Variants in KCNJ9 observed in about 807,000 individuals in gnomAD.
The protein encoded by KCNJ9 is potassium inwardly rectifying channel subfamily J member 9, also known as G protein-activated inward rectifier potassium channel 3.
Under a neutral mutation model 27.9 loss-of-function variants are expected in KCNJ9, and 18 were observed. The ratio of observed to expected loss-of-function variants is 0.65; its 90% CI spans 0.45 to 0.96. KCNJ9 has a LOEUF of 0.96. KCNJ9 is among the 40% of genes least tolerant of loss of function. The pLI is 0.00. For synonymous variants in KCNJ9, 229 were observed against 248.2 expected, an observed-to-expected ratio of 0.92 and a Z score of 0.73; for missense variants, 324 against 557.5, an observed-to-expected ratio of 0.58 and a Z score of 4.22.
At chr1:160,084,927 G>A in intron 2 of KCNJ9, 47 bp downstream of exon 2, 7 of 1,478,298 alleles carry the variant, frequency 4.7e-6, no homozygotes, top group Admixed American at 2.1e-5. Flanking sequence ...GAGGGTGGGC[G>A]GGACCGAGGA....
rs1026160367 is a variant in KCNJ9 at position 160,084,822 on chromosome 1, C to T, written c.792C>T (p.Ala264=). ...ASPFWEASRR[A]LERDDFEIVV... Reference sequence around the variant, plus strand: ...CCTTCTGGGAGGCGTCGCGCCGTGCCCTCGAGAGGGACGACTTCGAGATCG... The same window carrying T: ...CCTTCTGGGAGGCGTCGCGCCGTGCTCTCGAGAGGGACGACTTCGAGATCG... Residue 264 remains alanine, a synonymous_variant, in exon 2 of 3, where the codon GCC becomes GCT. Transcript: ENST00000368088. The T allele has an allele frequency of 1.9e-6, 3 of 1,548,302 alleles. No homozygotes were observed. The highest frequency in any genetic ancestry group is 1.4e-5 in the African/African-American group (1 of 73,046).
At chr1:160,085,604 C>T (rs1335811707) in intron 2 of KCNJ9, among the ~76,000 whole-genome samples, 1 of 152,198 alleles carries the variant, frequency 6.6e-6, no homozygotes, top group African/African-American at 2.4e-5. Context: ...TTTTCTAGCT[C>T]TTTTCCAAAA....
At chr1:160,083,128 G>T (rs1308877875) in intron 1 of KCNJ9, among the ~76,000 whole-genome samples, 1 of 152,168 alleles carries the variant, frequency 6.6e-6, no homozygotes, top group African/African-American at 2.4e-5. Context: ...CCTTTCCCAG[G>T]CTTCTGTGTT....
Position 160,090,545 on chromosome 1 carries a change from T to C in KCNJ9, c.*2728T>C, listed in dbSNP as rs946550734. 4 of 152,244 alleles carry C rather than the reference T, an allele frequency of 2.6e-5. No homozygotes were observed. The highest frequency in any genetic ancestry group is 7.2e-5 in the African/African-American group (3 of 41,438). 9.4% of individuals were successfully genotyped at this position (152,244 alleles called of 1,614,324 possible). The stretch of plus-strand genomic sequence containing the variant: ...CAGCAAACTCGTAATGCTCAATAAA[T>C]GTTTAAATAACAACTGAAGGAGGCC... On this transcript the variant is annotated 3_prime_UTR_variant, in exon 3 of 3. Transcript: ENST00000368088.
At position 160,087,722 on chromosome 1, in the gene KCNJ9, G is replaced by T; in HGVS notation, c.1087G>T (p.Glu363Ter). Reference protein sequence around the residue: ...IPSRLDEKVEEEGAGEGAGGE... With the variant: ...IPSRLDEKVE The stretch of plus-strand genomic sequence containing the variant: ...CAGCCGGCTGGATGAGAAGGTGGAG[G>T]AGGAGGGGGCGGGGGAGGGGGCGGG... Residue 363 changes from glutamate (E) to a stop codon, truncating the protein, a stop_gained, in exon 3 of 3, where the codon GAG (glutamate) becomes TAG (stop). Coordinates refer to ENST00000368088, the MANE Select transcript of KCNJ9 (RefSeq NM_004983.3). LOFTEE classifies it high-confidence loss of function. The T allele has an allele frequency of 8.7e-7, 1 of 1,143,478 alleles. No individual in the cohort carries two copies. 70.8% of individuals were successfully genotyped at this position (1,143,478 alleles called of 1,614,324 possible). A position where few individuals can be genotyped will look rare whatever the true frequency, so the allele number is the denominator to read the frequency against.
chr1:160,087,938 A>G lies in KCNJ9; in HGVS notation c.*121A>G, dbSNP rs574809018. 2.1e-4 allele frequency: 212 copies of G among 998,266 alleles called. 1 individual carries two copies. The African/African-American group carries it at 2.9e-3, about 14-fold the overall frequency. The allele number at this position is 998,266 out of a possible 1,614,324, so 61.8% of individuals were successfully genotyped here. A position where few individuals can be genotyped will look rare whatever the true frequency, so the allele number is the denominator to read the frequency against. On this transcript the variant is annotated 3_prime_UTR_variant, in exon 3 of 3. Coordinates refer to ENST00000368088, the MANE Select transcript of KCNJ9 (RefSeq NM_004983.3). ...AAGGCAAAGCCCCTGGAAATGTGCT[A>G]AAGTTGGAAAGTCCCCGTCCCCCAG...
In KCNJ9 at chr1:160,084,549, C is replaced by T; in HGVS notation, c.519C>T (p.Phe173=). The part of the protein sequence containing the change: ...QPNKRAATLV[F]SSHAVVSLRD... ...ACAAGCGCGCAGCCACGCTCGTCTT[C>T]TCCTCGCACGCCGTGGTGTCGCTGC... Residue 173 remains phenylalanine, a synonymous_variant, in exon 2 of 3, where the codon TTC becomes TTT. Transcript: ENST00000368088. The T allele has an allele frequency of 6.2e-7, 1 of 1,612,126 alleles. No individual in the cohort carries two copies. Among genetic ancestry groups the T allele is most frequent in the Non-Finnish European group, 8.5e-7 (1 of 1,179,216 alleles).
At position 160,084,685 on chromosome 1, in the gene KCNJ9, G is replaced by A; in HGVS notation, c.655G>A (p.Glu219Lys). ...LIRSRQTLEG[E>K]FIPLHQTDLS... is the part of the protein sequence containing the mutation. The stretch of plus-strand genomic sequence containing the variant: ...CCGCTCGCGCCAGACGCTGGAGGGC[G>A]AGTTCATCCCGCTGCACCAGACCGA... Residue 219 changes from glutamate to lysine, a missense_variant, in exon 2 of 3, where the codon GAG becomes AAG. Physicochemically the swap from Glu to Lys is moderately conservative, Grantham distance 56. This residue lies in a region of KCNJ9 where 241 missense variants were observed against 481.7 expected (regional missense o/e 0.50). Transcript: ENST00000368088. The A allele has an allele frequency of 6.3e-7, 1 of 1,593,666 alleles. No individual in the cohort carries two copies. The highest frequency in any genetic ancestry group is 8.5e-7 in the Non-Finnish European group (1 of 1,170,116).
rs1179494809 is a variant in KCNJ9, at chr1:160,087,881, A to G, written c.*64A>G. ...GACACAGATACATGGGGAACTGCAT[A>G]TCGGAGGTGGTGGAGGAGGAGGAGG... On this transcript the variant is annotated 3_prime_UTR_variant, in exon 3 of 3. Coordinates refer to ENST00000368088, the MANE Select transcript of KCNJ9 (RefSeq NM_004983.3). 4 of 1,352,472 alleles carry G rather than the reference A, an allele frequency of 3.0e-6. No individual in the cohort carries two copies. Among genetic ancestry groups the G allele is most frequent in the Non-Finnish European group, 3.8e-6 (4 of 1,041,388 alleles). 83.8% of individuals were successfully genotyped at this position (1,352,472 alleles called of 1,614,324 possible).
rs1242313695 is a variant in KCNJ9, at chr1:160,087,629, T to C, written c.994T>C (p.Ser332Pro). 2 of 1,612,974 alleles carry C rather than the reference T, an allele frequency of 1.2e-6. No homozygotes were observed. The highest frequency in any genetic ancestry group is 2.2e-5 in the East Asian group (1 of 44,854). Residue 332 changes from serine (S) to proline (P), a missense_variant, in exon 3 of 3, where the codon TCG becomes CCG. Transcript: ENST00000368088. ...CGAGACTTTTGAGGTGCCCACACCT[T>C]CGTGCAGTGCTCGAGAGCTGGCAGA... ...FHETFEVPTP[S>P]CSARELAEAA...
At position 160,087,598 on chromosome 1, in the gene KCNJ9, C is replaced by T; in HGVS notation, c.963C>T (p.Ser321=). Residue 321 remains serine, a synonymous_variant, in exon 3 of 3, where the codon AGC becomes AGT. Coordinates refer to ENST00000368088, the MANE Select transcript of KCNJ9 (RefSeq NM_004983.3). ...GCTTCTACGAAGTGGACTATGCCAG[C>T]TTTCACGAGACTTTTGAGGTGCCCA... The part of the protein sequence containing the change: ...EDGFYEVDYA[S]FHETFEVPTP... 6.2e-7 allele frequency: 1 copy of T among 1,613,910 alleles called. No homozygotes were observed. The highest frequency in any genetic ancestry group is 8.5e-7 in the Non-Finnish European group (1 of 1,179,948).
At position 160,084,135 on chromosome 1, in the gene KCNJ9, G is replaced by C. The variant is rs1557980440; in HGVS notation, c.105G>C (p.Gln35His). ...AGGATGGCCGGTGCAACGTGCAGCA[G>C]GGCAACGTGCGCGAGACATACCGCT... ...VEKDGRCNVQ[Q>H]GNVRETYRYL... is the part of the protein sequence containing the mutation. Residue 35 changes from glutamine (Q) to histidine (H), a missense_variant, in exon 2 of 3, where the codon CAG becomes CAC. Gln to His is a conservative substitution (Grantham distance 24). Transcript: ENST00000368088. 1 of 1,569,350 alleles carries C rather than the reference G, an allele frequency of 6.4e-7. No individual in the cohort carries two copies. Among genetic ancestry groups the C allele is most frequent in the Non-Finnish European group, 8.6e-7 (1 of 1,157,394 alleles).
intron 1 of KCNJ9, among the ~76,000 whole-genome samples, chr1:160,082,259 G>A (rs985519244): frequency 1.8e-4 from 27 of 152,316 alleles, no homozygotes; most frequent in African/African-American, 6.0e-4. Flanking sequence ...GAGCAGGGTC[G>A]TTTTCTGCAT....
chr1:160,086,938 G>A (rs781777814), intron 2 of KCNJ9, among the ~76,000 whole-genome samples: 2 of 152,202 alleles, frequency 1.3e-5, no homozygotes, highest in Non-Finnish European at 2.9e-5. Context: ...AAACATGAGG[G>A]AATCTGAGAC....
At chr1:160,084,907 G>C (rs1283728759) in intron 2 of KCNJ9, 27 bp downstream of exon 2, 3 of 1,502,074 alleles carry the variant, frequency 2.0e-6, no homozygotes, top group Non-Finnish European at 2.7e-6. Flanking sequence ...GGAGGGGAGC[G>C]GGGTTGGCAG....
Position 160,084,505 on chromosome 1 carries a change from G to A in KCNJ9, c.475G>A (p.Val159Ile). Residue 159 changes from valine (V) to isoleucine (I), a missense_variant, in exon 2 of 3, where the codon GTC (valine) becomes ATC (isoleucine). Physicochemically the swap from Val to Ile is conservative, Grantham distance 29. This residue lies in a region of KCNJ9 where 241 missense variants were observed against 481.7 expected (regional missense o/e 0.50). Coordinates refer to ENST00000368088, the MANE Select transcript of KCNJ9 (RefSeq NM_004983.3). ...CGCCTTCATGGTGGGCTGCATGTTC[G>A]TCAAGATCTCGCAGCCCAACAAGCG... ...VNAFMVGCMFVKISQPNKRAA... is the reference protein window; with the variant it reads ...VNAFMVGCMFIKISQPNKRAA... 3.1e-6 allele frequency: 5 copies of A among 1,613,352 alleles called. No individual in the cohort carries two copies. The highest frequency in any genetic ancestry group is 4.2e-6 in the Non-Finnish European group (5 of 1,179,856).
chr1:160,083,515 G>C (rs74123249), intron 1 of KCNJ9, among the ~76,000 whole-genome samples: 8,454 of 152,124 alleles, frequency 0.056, 320 homozygotes, highest in Middle Eastern at 0.12. Flanking sequence ...GGGCAGGGAG[G>C]GCTCCATTAC....
At chr1:160,082,467 G>T (rs1410095220) in intron 1 of KCNJ9, among the ~76,000 whole-genome samples, 2 of 152,100 alleles carry the variant, frequency 1.3e-5, no homozygotes, top group Non-Finnish European at 2.9e-5. Flanking sequence ...ATTTCATTTT[G>T]ATTTCTCTTC....
chr1:160,086,351 C>A (rs2737704), intron 2 of KCNJ9, among the ~76,000 whole-genome samples: 1 of 152,146 alleles, frequency 6.6e-6, no homozygotes, highest in African/African-American at 2.4e-5. Flanking sequence ...CTGAGGGGTG[C>A]ACCAGCCCAA....
Sources: gnomAD v4.1 joint callset for allele counts (sites outside exome capture counted in the v4.1 genomes callset) on GRCh38, gnomAD v4.1.1 for gene constraint, gnomAD v4.1.1 regional missense constraint, MANE v1.5 for transcripts, NCBI Gene and HGNC (gene_info 2026-07-23, HGNC 2026-07-21) for gene names.